RPA3: variants seen among roughly 807,000 people sequenced by gnomAD.
RPA3 encodes replication protein A 14 kDa subunit.
In RPA3, 24 loss-of-function variants were observed where a neutral mutation model predicts 13.7. The observed-to-expected ratio is 1.75, with a 90% CI of 1.27 to 2.46. The LOEUF (loss-of-function observed/expected upper bound fraction) is 2.46, where lower values mean the gene tolerates loss of function less well. Ranked by LOEUF, RPA3 falls within the 30% of genes most tolerant of loss-of-function variation. RPA3 has a pLI of 0.00. For synonymous variants in RPA3, 59 were observed against 51.2 expected, an observed-to-expected ratio of 1.15 and a Z score of -0.65; for missense variants, 183 against 151.0, an observed-to-expected ratio of 1.21 and a Z score of -1.11.
intron 3 of RPA3, among the ~76,000 whole-genome samples, chr7:7,686,633 C>T (rs977141152): frequency 6.6e-6 from 1 of 152,180 alleles, no homozygotes; most frequent in African/African-American, 2.4e-5. Flanking sequence ...CCAGAACCAT[C>T]ATGCTGCAAA....
intron 4 of RPA3, among the ~76,000 whole-genome samples, chr7:7,642,585 C>T (rs1182855046): frequency 7.2e-5 from 11 of 151,990 alleles, no homozygotes; most frequent in African/African-American, 2.2e-4. Context: ...GGGAGATGAG[C>T]AGGAAGATAA....
chr7:7,638,168 C>A, intron 6 of RPA3, 196 bp from the exon 7 acceptor site: 1 of 461,626 alleles, frequency 2.2e-6, no homozygotes, highest in South Asian at 2.9e-5. Context: ...AAAATTCCTG[C>A]TACCTTTAGC....
intron 1 of RPA3, 122 bp from the exon 2 acceptor site, chr7:7,715,348 A>G (rs1780874862): frequency 6.6e-6 from 1 of 152,244 alleles, no homozygotes; most frequent in South Asian, 2.1e-4. Context: ...TAGACCTTAT[A>G]GCTAGCTGTT....
chr7:7,691,340 GTCA>G (rs1453770757), intron 2 of RPA3, among the ~76,000 whole-genome samples: 6 of 151,984 alleles, frequency 3.9e-5, no homozygotes, highest in Admixed American at 6.6e-5. Flanking sequence ...ATTTGTAGTC[GTCA>G]TCATTATTTT....
intron 4 of RPA3, among the ~76,000 whole-genome samples, chr7:7,651,212 C>T (rs1038359609): frequency 1.3e-5 from 2 of 152,126 alleles, no homozygotes; most frequent in South Asian, 4.2e-4. Context: ...TACATAGAAA[C>T]CAGAAAGGAC....
chr7:7,671,921 C>T (rs1375279040), intron 4 of RPA3, among the ~76,000 whole-genome samples: 2 of 152,058 alleles, frequency 1.3e-5, no homozygotes, highest in East Asian at 1.9e-4. Context: ...TGTTTTTCTT[C>T]TCCATTTTGA....
intron 2 of RPA3, among the ~76,000 whole-genome samples, chr7:7,691,099 A>T (rs1232070474): frequency 6.6e-6 from 1 of 152,160 alleles, no homozygotes; most frequent in South Asian, 2.1e-4. Context: ...CAGAAGTGTT[A>T]TGCTGCCAAC....
In RPA3 at chr7:7,639,144, T is replaced by C; in HGVS notation, c.100A>G (p.Ile34Val). 1 of 1,607,906 alleles carries C rather than the reference T, an allele frequency of 6.2e-7. No individual in the cohort carries two copies. Among genetic ancestry groups the C allele is most frequent in the Middle Eastern group, 1.7e-4 (1 of 6,032 alleles). The change falls in exon 6 of 8, where the codon ATT becomes GTT. Residue 34 changes from isoleucine to valine, a missense_variant and splice_region_variant. Transcript: ENST00000223129. ...PVCFVGRLEK[I>V]HPTGKMFILS... ...ATAAACATTTTTCCGGTGGGATGAA[T>C]CTAAAAACGAAACATATAATTAAAA... is the stretch of plus-strand genomic sequence containing the variant.
At chr7:7,680,070 C>T (rs1265079900) in intron 4 of RPA3, among the ~76,000 whole-genome samples, 2 of 151,818 alleles carry the variant, frequency 1.3e-5, no homozygotes, top group Non-Finnish European at 2.9e-5. Context: ...TCCATTTTTG[C>T]TTTGGTTGCC....
chr7:7,716,315 A>G (rs1420481701), intron 1 of RPA3, among the ~76,000 whole-genome samples: 2 of 152,238 alleles, frequency 1.3e-5, no homozygotes, highest in African/African-American at 4.8e-5. Flanking sequence ...TATAACTTCA[A>G]AGTGATACAG....
At chr7:7,705,662 T>A (rs1780580032) in intron 2 of RPA3, among the ~76,000 whole-genome samples, 1 of 152,198 alleles carries the variant, frequency 6.6e-6, no homozygotes, top group Non-Finnish European at 1.5e-5. Context: ...GAGAACTGAA[T>A]GTTTTTAGGA....
intron 4 of RPA3, among the ~76,000 whole-genome samples, chr7:7,681,579 A>C (rs1779913655): frequency 6.6e-6 from 1 of 152,184 alleles, no homozygotes; most frequent in Non-Finnish European, 1.5e-5. Context: ...TCACGTAAGA[A>C]GGTAATAGCT....
chr7:7,681,276 T>A (rs1363439110), intron 4 of RPA3, among the ~76,000 whole-genome samples: 7 of 152,184 alleles, frequency 4.6e-5, no homozygotes. Flanking sequence ...CAAGCATTTC[T>A]GCTTAACACA....
rs115614754 is a variant in RPA3, at chr7:7,702,434, G to A, written c.-1028+12741C>T. Among the ~76,000 whole-genome samples, 810 of 152,086 alleles carry A rather than the reference G, an allele frequency of 5.3e-3. 5 individuals are homozygous for A. The highest frequency in any genetic ancestry group is 0.019 in the African/African-American group (782 of 41,500). On this transcript the variant is annotated intron_variant, in intron 2 of 7. Coordinates refer to ENST00000223129, the MANE Select transcript of RPA3 (RefSeq NM_002947.5). ...TGAAGGAGTCTATGGACTATAATAC[G>A]AAAATTCTGGTTGGGGAGGCAGGAA...
chr7:7,640,283 T>C (rs768686387), intron 5 of RPA3, 37 bp downstream of exon 5: 98 of 1,605,890 alleles, frequency 6.1e-5, no homozygotes, highest in Non-Finnish European at 2.7e-5. Context: ...TCCCTCCAGC[T>C]ACGGACTTGG....
intron 2 of RPA3, among the ~76,000 whole-genome samples, chr7:7,700,775 C>T (rs963904446): frequency 6.6e-6 from 1 of 152,112 alleles, no homozygotes; most frequent in Non-Finnish European, 1.5e-5. Context: ...GTAATCAAAG[C>T]TACTCGGGAG....
chr7:7,716,470 C>A (rs574987274), intron 1 of RPA3, among the ~76,000 whole-genome samples: 4 of 152,186 alleles, frequency 2.6e-5, no homozygotes, highest in African/African-American at 9.7e-5. Flanking sequence ...GATAAGCAAG[C>A]TGGAAGCTTG....
intron 1 of RPA3, among the ~76,000 whole-genome samples, chr7:7,717,615 C>CTA (rs1444989998): frequency 6.6e-6 from 1 of 152,166 alleles, no homozygotes; most frequent in Non-Finnish European, 1.5e-5. Flanking sequence ...ATCACATTGG[C>CTA]TAACATGGCC....
chr7:7,640,480 C>A lies in RPA3; in HGVS notation c.-62G>T, dbSNP rs551809383. 1 of 1,514,276 alleles carries A rather than the reference C, an allele frequency of 6.6e-7. No homozygotes were observed. The highest frequency in any genetic ancestry group is 2.3e-5 in the East Asian group (1 of 44,238). The allele number at this position is 1,514,276 out of a possible 1,614,324, so 93.8% of individuals were successfully genotyped here. A position where few individuals can be genotyped will look rare whatever the true frequency, so the allele number is the denominator to read the frequency against. ...CGGACGACTGAAACTGTGCGCCCCG[C>A]GGGTGTCTATGGGGCAGATTTCTCG... On this transcript the variant is annotated 5_prime_UTR_variant, in exon 5 of 8. Coordinates refer to ENST00000223129, the MANE Select transcript of RPA3 (RefSeq NM_002947.5).
Sources: allele counts gnomAD v4.1 joint callset (sites outside exome capture counted in the v4.1 genomes callset), GRCh38; gene constraint gnomAD v4.1.1; transcripts MANE v1.5; gene names NCBI Gene and HGNC (gene_info 2026-07-23, HGNC 2026-07-21).